The following NEGR1 variants were observed in gnomAD, a reference collection of about 807,000 sequenced individuals.
NEGR1 encodes the protein IgLON family member 4.
A neutral mutation model predicts 40.9 loss-of-function variants in NEGR1; 10 were observed. The observed-to-expected ratio is 0.24, with a 90% CI of 0.15 to 0.42. NEGR1 has a LOEUF of 0.42. NEGR1 is among the 10% of genes least tolerant of loss of function. NEGR1 has a pLI of 1.00. For synonymous variants in NEGR1, 185 were observed against 166.8 expected (o/e 1.11, Z -0.84); for missense variants, 352 against 438.9 (o/e 0.80, Z 1.77).
At chr1:71,778,546 G>T (rs1656590095) in intron 2 of NEGR1, among the ~76,000 whole-genome samples, 1 of 152,066 alleles carries the variant, frequency 6.6e-6, no homozygotes, top group African/African-American at 2.4e-5. Context: ...AACATGAGGA[G>T]CATCTGTATT....
At chr1:71,971,227 T>C (rs1646253672) in intron 1 of NEGR1, among the ~76,000 whole-genome samples, 1 of 152,246 alleles carries the variant, frequency 6.6e-6, no homozygotes, top group African/African-American at 2.4e-5. Context: ...GTGCTGTCGG[T>C]ACACTGATTT....
At chr1:71,434,179 T>C (rs1646489231) in intron 6 of NEGR1, among the ~76,000 whole-genome samples, 1 of 152,112 alleles carries the variant, frequency 6.6e-6, no homozygotes, top group South Asian at 2.1e-4. Context: ...AGCCTAGAAA[T>C]ATCAAACAAA....
intron 4 of NEGR1, among the ~76,000 whole-genome samples, chr1:71,665,276 C>T (rs1280095032): frequency 6.6e-6 from 1 of 152,116 alleles, no homozygotes; most frequent in Non-Finnish European, 1.5e-5. Flanking sequence ...TACACTTCAC[C>T]TCAGTTAAAT....
At chr1:71,861,000 T>A (rs1002281005) in intron 2 of NEGR1, among the ~76,000 whole-genome samples, 4 of 152,084 alleles carry the variant, frequency 2.6e-5, no homozygotes, top group Non-Finnish European at 2.9e-5. Context: ...TTGCTAACGA[T>A]TAAAAGCTAA....
chr1:71,904,621 C>T (rs1237876249), intron 2 of NEGR1, among the ~76,000 whole-genome samples: 5 of 152,078 alleles, frequency 3.3e-5, no homozygotes, highest in Non-Finnish European at 1.5e-5. Context: ...CATAAAGTGG[C>T]TGTGAACAAA....
intron 1 of NEGR1, among the ~76,000 whole-genome samples, chr1:72,174,813 C>A (rs1174095411): frequency 6.6e-6 from 1 of 151,876 alleles, no homozygotes; most frequent in Admixed American, 6.6e-5. Flanking sequence ...TGTATTATCA[C>A]AATCTAAGGG....
At chr1:71,700,596 T>A (rs1444326334) in intron 3 of NEGR1, among the ~76,000 whole-genome samples, 2 of 152,142 alleles carry the variant, frequency 1.3e-5, no homozygotes, top group Admixed American at 1.3e-4. Context: ...AAAATTCTAT[T>A]GGCACTTGTA....
intron 5 of NEGR1, among the ~76,000 whole-genome samples, chr1:71,602,102 G>T (rs868837412): frequency 3.3e-5 from 5 of 151,942 alleles, no homozygotes; most frequent in South Asian, 2.1e-4. Context: ...GACCCTCCAA[G>T]TCTTTCCCTA....
intron 3 of NEGR1, among the ~76,000 whole-genome samples, chr1:71,730,410 C>T (rs1026253329): frequency 6.6e-5 from 10 of 151,428 alleles, no homozygotes; most frequent in African/African-American, 2.4e-4. Context: ...AAAAATGAAT[C>T]GAGTAAAACT....
rs1655426703 is a variant in NEGR1, at chr1:71,747,524, G to C, written c.535+28648C>G. 7.9e-5 allele frequency among the ~76,000 whole-genome samples: 12 copies of C among 151,330 alleles called. 1 individual carries two copies. Among genetic ancestry groups the C allele is most frequent in the Admixed American group, 7.9e-4 (12 of 15,174 alleles). On this transcript the variant is annotated intron_variant, in intron 3 of 6. Coordinates refer to ENST00000357731, the MANE Select transcript of NEGR1 (RefSeq NM_173808.3). ...AATGCAGCTTCCACCTCCTGGGTTT[G>C]AGCGATTCTCCTGCCTCAGCCTCTC...
intron 2 of NEGR1, among the ~76,000 whole-genome samples, chr1:71,929,256 T>C (rs1465253529): frequency 6.6e-6 from 1 of 152,196 alleles, no homozygotes; most frequent in African/African-American, 2.4e-5. Flanking sequence ...TTTTCATTTA[T>C]CTAAGATTAT....
At chr1:71,960,818 C>G (rs1646159467) in intron 1 of NEGR1, among the ~76,000 whole-genome samples, 1 of 152,098 alleles carries the variant, frequency 6.6e-6, no homozygotes, top group Non-Finnish European at 1.5e-5. Context: ...AAATTCAACT[C>G]AGTCAGCTCT....
At chr1:71,552,773 G>T (rs1315504182) in intron 6 of NEGR1, among the ~76,000 whole-genome samples, 4 of 151,164 alleles carry the variant, frequency 2.6e-5, no homozygotes, top group Non-Finnish European at 5.9e-5. Flanking sequence ...TGGGTTTACT[G>T]CTTTAACTAC....
chr1:71,585,768 A>G (rs1420825651), intron 6 of NEGR1, among the ~76,000 whole-genome samples: 1 of 151,668 alleles, frequency 6.6e-6, no homozygotes, highest in African/African-American at 2.4e-5. Context: ...ATTGTAATAA[A>G]AAGGACAATA....
At chr1:71,917,952 T>G (rs1304973948) in intron 2 of NEGR1, among the ~76,000 whole-genome samples, 1 of 151,014 alleles carries the variant, frequency 6.6e-6, no homozygotes, top group African/African-American at 2.4e-5. Context: ...GCGTGGTGGC[T>G]CAGGCCTGTA....
chr1:71,641,703 C>T (rs12404086), intron 4 of NEGR1, among the ~76,000 whole-genome samples: 64,555 of 151,768 alleles, frequency 0.43, 16,388 homozygotes, highest in Non-Finnish European at 0.57. Flanking sequence ...CAGAACCAGT[C>T]ATGCATAATG....
At chr1:71,444,232 A>G (rs1395991248) in intron 6 of NEGR1, among the ~76,000 whole-genome samples, 2 of 152,164 alleles carry the variant, frequency 1.3e-5, no homozygotes, top group African/African-American at 4.8e-5. Context: ...ACCAGAAAAT[A>G]TTTTTAAAAA....
At chr1:72,195,600 T>C (rs927544566) in intron 1 of NEGR1, among the ~76,000 whole-genome samples, 3 of 151,994 alleles carry the variant, frequency 2.0e-5, no homozygotes, top group Non-Finnish European at 4.4e-5. Context: ...AAAATATTTA[T>C]TTGTATGTTT....
intron 1 of NEGR1, among the ~76,000 whole-genome samples, chr1:72,226,374 T>C (rs1654191193): frequency 6.6e-6 from 1 of 152,034 alleles, no homozygotes; most frequent in South Asian, 2.1e-4. Flanking sequence ...ATGACATATG[T>C]GTGCCATCTT....
Sources: gnomAD v4.1 joint callset for allele counts (sites outside exome capture counted in the v4.1 genomes callset) on GRCh38, gnomAD v4.1.1 for gene constraint, MANE v1.5 for transcripts, NCBI Gene and HGNC (gene_info 2026-07-23, HGNC 2026-07-21) for gene names.